Variants in PCDH15 observed in about 807,000 individuals in gnomAD.
The protein encoded by PCDH15 is protocadherin-15.
Under a neutral mutation model 178.5 loss-of-function variants are expected in PCDH15, and 129 were observed. The ratio of observed to expected loss-of-function variants is 0.72; its 90% CI spans 0.63 to 0.84. PCDH15 has a LOEUF of 0.84. Ranked by LOEUF, PCDH15 falls within the 40% of genes least tolerant of loss-of-function variation. The pLI is 0.00. For synonymous variants in PCDH15, 800 were observed against 732.0 expected, an observed-to-expected ratio of 1.09 and a Z score of -1.50; for missense variants, 2,230 against 2,099.9, an observed-to-expected ratio of 1.06 and a Z score of -1.21.
intron 1 of PCDH15, among the ~76,000 whole-genome samples, chr10:55,281,878 A>G (rs917861622): frequency 8.6e-5 from 13 of 151,992 alleles, no homozygotes; most frequent in African/African-American, 3.1e-4. Flanking sequence ...CTCTCCTTCT[A>G]AAACTTTTCT....
chr10:53,834,213 G>A (rs913226450), intron 29 of PCDH15, among the ~76,000 whole-genome samples: 2 of 152,070 alleles, frequency 1.3e-5, no homozygotes, highest in African/African-American at 2.4e-5. Flanking sequence ...CAATTCTCAC[G>A]AGAGAAAGTG....
chr10:54,139,293 T>C (rs11004093), intron 14 of PCDH15, among the ~76,000 whole-genome samples: 2,343 of 151,658 alleles, frequency 0.015, 74 homozygotes, highest in African/African-American at 0.054. Flanking sequence ...CTGACATTCA[T>C]CAGCTATTAA....
At chr10:53,818,542 T>C (rs2132448525) in intron 33 of PCDH15, among the ~76,000 whole-genome samples, 1 of 152,240 alleles carries the variant, frequency 6.6e-6, no homozygotes, top group Admixed American at 6.5e-5. Flanking sequence ...GCAGGGTCAA[T>C]TATAATATTA....
chr10:54,812,100 T>A (rs2133730026), intron 3 of PCDH15, among the ~76,000 whole-genome samples: 1 of 152,158 alleles, frequency 6.6e-6, no homozygotes, highest in South Asian at 2.1e-4. Flanking sequence ...ATGATGAAAA[T>A]ATGAGAATAT....
At chr10:55,449,454 A>G (rs1380647449) in intron 2 of PCDH15, among the ~76,000 whole-genome samples, 1 of 152,072 alleles carries the variant, frequency 6.6e-6, no homozygotes, top group Non-Finnish European at 1.5e-5. Flanking sequence ...GTGTCTATCC[A>G]TATGTATTGG....
intron 4 of PCDH15, among the ~76,000 whole-genome samples, chr10:54,373,466 A>T (rs1169363867): frequency 3.9e-5 from 6 of 152,014 alleles, no homozygotes; most frequent in Admixed American, 6.6e-5. Context: ...TCCTTCACAA[A>T]TTAAATTTTC....
At chr10:55,452,086 C>A (rs1839448421) in intron 2 of PCDH15, among the ~76,000 whole-genome samples, 1 of 151,920 alleles carries the variant, frequency 6.6e-6, no homozygotes, top group Non-Finnish European at 1.5e-5. Flanking sequence ...TTTGTCTTTC[C>A]ATTTTTGCAT....
intron 8 of PCDH15, among the ~76,000 whole-genome samples, chr10:54,256,227 C>T (rs10763091): frequency 0.72 from 109,939 of 152,040 alleles, 40,712 homozygotes; most frequent in African/African-American, 0.77. Context: ...GTCAGCTAGG[C>T]TCACCTAAGA....
chr10:55,295,114 T>C (rs1843099516), intron 1 of PCDH15, among the ~76,000 whole-genome samples: 1 of 152,200 alleles, frequency 6.6e-6, no homozygotes, highest in South Asian at 2.1e-4. Flanking sequence ...GAAAGTTTTG[T>C]GTCAACATCA....
intron 3 of PCDH15, among the ~76,000 whole-genome samples, chr10:54,398,424 A>G (rs1951513952): frequency 6.6e-6 from 1 of 151,930 alleles, no homozygotes; most frequent in Admixed American, 6.6e-5. Context: ...CAATGACTAA[A>G]ATTTCCATCT....
At chr10:54,703,558 A>G (rs569405544) in intron 1 of PCDH15, among the ~76,000 whole-genome samples, 2 of 152,192 alleles carry the variant, frequency 1.3e-5, no homozygotes, top group African/African-American at 4.8e-5. Flanking sequence ...AATGTACAAA[A>G]ATCAGTAGCA....
At chr10:54,884,480 GGTGTGT>G (rs11473798) in intron 3 of PCDH15, among the ~76,000 whole-genome samples, 47 of 148,690 alleles carry the variant, frequency 3.2e-4, no homozygotes, top group East Asian at 2.8e-3. Flanking sequence ...TACTAAGATA[GGTGTGT>G]GTGTGTGTGT....
At chr10:54,300,077 G>A (rs2060055749) in intron 8 of PCDH15, among the ~76,000 whole-genome samples, 1 of 152,162 alleles carries the variant, frequency 6.6e-6, no homozygotes, top group African/African-American at 2.4e-5. Flanking sequence ...CTCTTTGGCA[G>A]CAGAGACTCT....
At chr10:54,373,570 C>T (rs1947995642) in intron 4 of PCDH15, among the ~76,000 whole-genome samples, 2 of 151,982 alleles carry the variant, frequency 1.3e-5, no homozygotes, top group African/African-American at 4.8e-5. Flanking sequence ...GTAGATACAT[C>T]TATAGATTTT....
At chr10:54,015,118 C>CTG in intron 20 of PCDH15, among the ~76,000 whole-genome samples, 1 of 152,116 alleles carries the variant, frequency 6.6e-6, no homozygotes, top group Non-Finnish European at 1.5e-5. Context: ...GTACCAACAA[C>CTG]ATCCAAGCTG....
chr10:53,808,015 T>A (rs2075719864), intron 37 of PCDH15: 1 of 152,098 alleles, frequency 6.6e-6, no homozygotes, highest in Non-Finnish European at 1.5e-5. Context: ...ATTTCAAAAT[T>A]ATAGTTTATT....
chr10:55,133,442 G>A (rs577453982), intron 2 of PCDH15, among the ~76,000 whole-genome samples: 2 of 152,104 alleles, frequency 1.3e-5, no homozygotes, highest in Admixed American at 6.5e-5. Flanking sequence ...GTATCTTCCT[G>A]ATAAATAATT....
chr10:55,310,099 TA>T (rs1843542142), intron 1 of PCDH15, among the ~76,000 whole-genome samples: 1 of 152,152 alleles, frequency 6.6e-6, no homozygotes. Flanking sequence ...TAGGAGAACT[TA>T]AACCCATATC....
At chr10:55,327,576 T>C (rs1844066455) in intron 2 of PCDH15, among the ~76,000 whole-genome samples, 1 of 152,040 alleles carries the variant, frequency 6.6e-6, no homozygotes, top group Admixed American at 6.6e-5. Flanking sequence ...TTTACTACAT[T>C]TAAAATGTAC....
Sources: gnomAD v4.1 joint callset for allele counts (sites outside exome capture counted in the v4.1 genomes callset) on GRCh38, gnomAD v4.1.1 for gene constraint, MANE v1.5 for transcripts, NCBI Gene and HGNC (gene_info 2026-07-23, HGNC 2026-07-21) for gene names.